Variants in QTGAL observed in about 807,000 individuals in gnomAD.
The protein encoded by QTGAL is queuosine-tRNA galactosyltransferase.
At chr17:82,971,429 G>C in the QTGAL span, among the ~76,000 whole-genome samples, 1 of 152,166 alleles carries the variant, frequency 6.6e-6, no homozygotes, top group Admixed American at 6.5e-5. Context: ...ATGGGCAAGC[G>C]CTGGGGTGGG....
At chr17:82,974,572 GATC>G in the QTGAL span, among the ~76,000 whole-genome samples, 2 of 152,194 alleles carry the variant, frequency 1.3e-5, no homozygotes, top group Non-Finnish European at 2.9e-5. Context: ...TTCCCATCCT[GATC>G]ATATTTGCGG....
chr17:82,960,991 C>T, the QTGAL span: 85 of 1,542,176 alleles, frequency 5.5e-5, no homozygotes, highest in Non-Finnish European at 6.5e-5. Context: ...ACCCCGGCCC[C>T]GACCTCGGGC....
the QTGAL span, among the ~76,000 whole-genome samples, chr17:83,028,274 C>A: frequency 2.6e-5 from 4 of 151,724 alleles, no homozygotes; most frequent in South Asian, 8.3e-4. Context: ...CCTGTAATCC[C>A]AGCACTTTGG....
chr17:83,050,656 G>A, the QTGAL span, among the ~76,000 whole-genome samples: 1 of 152,216 alleles, frequency 6.6e-6, no homozygotes, highest in Admixed American at 6.5e-5. Context: ...GTTGTTCCCT[G>A]CATCGGCCTA....
chr17:83,050,915 A>G, the QTGAL span, among the ~76,000 whole-genome samples: 1 of 150,406 alleles, frequency 6.6e-6, no homozygotes, highest in Admixed American at 6.6e-5. Context: ...AGGTGTGTGA[A>G]GCAGGTGTGC....
chr17:83,048,549 C>T, the QTGAL span: 1 of 1,614,034 alleles, frequency 6.2e-7, no homozygotes, highest in South Asian at 1.1e-5. Flanking sequence ...CTCCATTTTT[C>T]AATGATAGCC....
At chr17:83,024,403 C>T in the QTGAL span, among the ~76,000 whole-genome samples, 8 of 152,248 alleles carry the variant, frequency 5.3e-5, no homozygotes, top group Middle Eastern at 3.2e-3. Flanking sequence ...CAAGACCACA[C>T]GGCGGTTCAG....
chr17:82,999,407 C>T, the QTGAL span, among the ~76,000 whole-genome samples: 1 of 152,240 alleles, frequency 6.6e-6, no homozygotes, highest in Non-Finnish European at 1.5e-5. Flanking sequence ...ATCCACACCA[C>T]AGAACACAGC....
chr17:83,010,890 G>T, the QTGAL span, among the ~76,000 whole-genome samples: 1 of 152,172 alleles, frequency 6.6e-6, no homozygotes, highest in African/African-American at 2.4e-5. Context: ...GTTCCTCCGC[G>T]TCGCTTCCCT....
the QTGAL span, among the ~76,000 whole-genome samples, chr17:82,986,571 G>A: frequency 6.6e-6 from 1 of 152,216 alleles, no homozygotes; most frequent in Non-Finnish European, 1.5e-5. Context: ...GCTTTTCCGC[G>A]TGACACAGGA....
At chr17:83,026,099 G>A in the QTGAL span, among the ~76,000 whole-genome samples, 20 of 152,288 alleles carry the variant, frequency 1.3e-4, no homozygotes, top group South Asian at 3.3e-3. Context: ...AACAGAAGAC[G>A]ACGCTCACCA....
At chr17:82,963,856 AT>A in the QTGAL span, among the ~76,000 whole-genome samples, 4 of 152,294 alleles carry the variant, frequency 2.6e-5, 1 homozygote, top group African/African-American at 4.8e-5. Context: ...CTAAAAAAAA[AT>A]TGAATTGCAC....
chr17:83,033,711 T>C, the QTGAL span, among the ~76,000 whole-genome samples: 1 of 152,054 alleles, frequency 6.6e-6, no homozygotes, highest in Admixed American at 6.6e-5. Flanking sequence ...GACCTCGTGA[T>C]CCACCCGCCT....
At chr17:82,974,781 G>C in the QTGAL span, among the ~76,000 whole-genome samples, 1 of 152,342 alleles carries the variant, frequency 6.6e-6, no homozygotes, top group Non-Finnish European at 1.5e-5. Flanking sequence ...TTGGAACAGC[G>C]GCAGGAGGCA....
the QTGAL span, among the ~76,000 whole-genome samples, chr17:83,026,736 C>T: frequency 8.1e-6 from 1 of 124,072 alleles, no homozygotes; most frequent in Non-Finnish European, 1.7e-5. Context: ...AGGAAGCCTG[C>T]AGACAAACCC....
chr17:82,947,233 A>G, the QTGAL span: 43 of 502,994 alleles, frequency 8.5e-5, 1 homozygote, highest in South Asian at 1.2e-3. Context: ...GCCTCTCTAC[A>G]TAAGGTGGCT....
chr17:83,023,686 A>G, the QTGAL span, among the ~76,000 whole-genome samples: 8 of 152,220 alleles, frequency 5.3e-5, no homozygotes, highest in African/African-American at 1.9e-4. Context: ...ACCCAAGACA[A>G]AGCACGTGGC....
At chr17:82,946,832 C>T in the QTGAL span, 2 of 1,406,168 alleles carry the variant, frequency 1.4e-6, no homozygotes, top group African/African-American at 2.9e-5. Context: ...GGAAATGAAA[C>T]ATAATAAAGA....
the QTGAL span, among the ~76,000 whole-genome samples, chr17:83,033,147 A>G: frequency 2.0e-5 from 3 of 152,254 alleles, no homozygotes; most frequent in African/African-American, 7.2e-5. Context: ...TAATTTTTAA[A>G]TATCTATAGT....
Sources: gnomAD v4.1 joint callset for allele counts (sites outside exome capture counted in the v4.1 genomes callset) on GRCh38, gnomAD v4.1.1 for gene constraint, MANE v1.5 for transcripts, NCBI Gene and HGNC (gene_info 2026-07-23, HGNC 2026-07-21) for gene names.